Variants in VCPKMT observed in about 807,000 individuals in gnomAD.
VCPKMT encodes the protein valosin containing protein lysine methyltransferase.
Under a neutral mutation model 28.6 loss-of-function variants are expected in VCPKMT, and 32 were observed. That is an observed-to-expected ratio of 1.12 (90% CI 0.84 to 1.50). The LOEUF is 1.50. VCPKMT is among the 40% of genes most tolerant of loss of function. VCPKMT has a pLI of 0.00. For missense variants in VCPKMT, 366 were observed against 285.0 expected (o/e 1.28, Z -2.05); for synonymous variants, 138 against 111.4 (o/e 1.24, Z -1.50).
downstream of VCPKMT, among the ~76,000 whole-genome samples, chr14:50,104,754 G>T (rs4900987): frequency 0.2 from 30,106 of 151,310 alleles, 3,220 homozygotes; most frequent in East Asian, 0.47. Flanking sequence ...AAGTGTCTCA[G>T]ATGTAAAATC....
In VCPKMT at chr14:50,109,584, A is replaced by T; in HGVS notation, c.*115T>A. On this transcript the variant is annotated 3_prime_UTR_variant, in exon 6 of 6. Transcript: ENST00000395860. The stretch of plus-strand genomic sequence containing the variant: ...TCATCTATACATCGGATCTCTAAGG[A>T]CGTGCCGGAAAAAAAAATCTGTGAA... The T allele has an allele frequency of 1.4e-6, 2 of 1,449,498 alleles. No individual in the cohort carries two copies. The highest frequency in any genetic ancestry group is 3.0e-5 in the Admixed American group (1 of 32,970). The allele number at this position is 1,449,498 out of a possible 1,614,324, so 89.8% of individuals were successfully genotyped here.
intron 4 of VCPKMT, chr14:50,113,504 G>C (rs1181947693): frequency 6.6e-6 from 1 of 151,196 alleles, no homozygotes; most frequent in East Asian, 2.0e-4. Context: ...ATAAGGGTTT[G>C]GGTGATCACT....
At chr14:50,112,790 T>C (rs974491576) in intron 4 of VCPKMT, 71 bp from the exon 5 acceptor site, 1 of 1,121,188 alleles carries the variant, frequency 8.9e-7, no homozygotes. Context: ...GAAGTCAGAA[T>C]GCTGGTTACT....
In VCPKMT at chr14:50,114,402, A is replaced by G. The variant is rs1882952563; in HGVS notation, c.453T>C (p.Ser151=). 6 of 1,514,436 alleles carry G rather than the reference A, an allele frequency of 4.0e-6. No homozygotes were observed. 93.8% of individuals were successfully genotyped at this position (1,514,436 alleles called of 1,614,324 possible). A position where few individuals can be genotyped will look rare whatever the true frequency, so the allele number is the denominator to read the frequency against. Reference sequence around the variant, plus strand: ...TTAGAGTTTTCAGCAATGGCTCCAAAGACTATTTAAAAAAGAATATATTTT... The same window carrying G: ...TTAGAGTTTTCAGCAATGGCTCCAAGGACTATTTAAAAAAGAATATATTTT... The part of the protein sequence containing the change: ...LMADCIYYEE[S]LEPLLKTLKD... Residue 151 remains serine, a splice_region_variant and synonymous_variant, in exon 4 of 6, where the codon TCT becomes TCC. Coordinates refer to ENST00000395860, the MANE Select transcript of VCPKMT (RefSeq NM_024558.3).
chr14:50,116,468 G>T lies in VCPKMT; in HGVS notation c.85C>A (p.Arg29=). 6.2e-7 allele frequency: 1 copy of T among 1,614,022 alleles called. No individual in the cohort carries two copies. Reference sequence around the variant, plus strand: ...CCACCGGAGCTATACTGCTGTAGTCGTAGCACTGTACCATCCCGCTTCTCC... The same window carrying T: ...CCACCGGAGCTATACTGCTGTAGTCTTAGCACTGTACCATCCCGCTTCTCC... ...VLEKRDGTVL[R]LQQYSSGGVG... Residue 29 remains arginine, a synonymous_variant, in exon 1 of 6, where the codon CGA becomes AGA. Transcript: ENST00000395860.
intron 3 of VCPKMT, among the ~76,000 whole-genome samples, chr14:50,115,544 AAGAG>A (rs1883084859): frequency 6.6e-6 from 1 of 152,234 alleles, no homozygotes; most frequent in Non-Finnish European, 1.5e-5. Context: ...CCAAGGGAAA[AAGAG>A]AGGATTTTGG....
intron 5 of VCPKMT, chr14:50,111,167 GT>G (rs55665344): frequency 1.4e-4 from 111 of 815,018 alleles, no homozygotes; most frequent in Middle Eastern, 6.2e-4. Context: ...AAAAATAAGA[GT>G]TTTTTTTTTT....
In VCPKMT at chr14:50,108,714, G is replaced by A. The variant is rs183844368; in HGVS notation, c.*985C>T. 92 of 985,738 alleles carry A rather than the reference G, an allele frequency of 9.3e-5. No individual in the cohort carries two copies. The highest frequency in any genetic ancestry group is 3.8e-4 in the South Asian group (8 of 21,286). 61.1% of individuals were successfully genotyped at this position (985,738 alleles called of 1,614,324 possible). ...GCCTATAAATACCAGAATTCCATCCGGTTACTACTCTTTGGAACAAGTATG... is the reference window on the plus strand; with the variant it reads ...GCCTATAAATACCAGAATTCCATCCAGTTACTACTCTTTGGAACAAGTATG... On this transcript the variant is annotated 3_prime_UTR_variant, in exon 6 of 6. Coordinates refer to ENST00000395860, the MANE Select transcript of VCPKMT (RefSeq NM_024558.3).
chr14:50,113,494 A>G (rs1882847292), intron 4 of VCPKMT: 1 of 152,184 alleles, frequency 6.6e-6, no homozygotes, highest in Middle Eastern at 3.4e-3. Context: ...TTGTGCCCAT[A>G]TAAGGGTTTG....
At chr14:50,116,022 C>G (rs1883157084) in intron 2 of VCPKMT, 47 bp downstream of exon 2, 9 of 1,593,390 alleles carry the variant, frequency 5.6e-6, no homozygotes, top group East Asian at 2.3e-5. Context: ...CAATTCAAAA[C>G]AAACTACAAA....
At position 50,109,602 on chromosome 14, in the gene VCPKMT, T is replaced by C. The variant is rs1486899597; in HGVS notation, c.*97A>G. 6.8e-7 allele frequency: 1 copy of C among 1,473,574 alleles called. No individual in the cohort carries two copies. Among genetic ancestry groups the C allele is most frequent in the Non-Finnish European group, 9.0e-7 (1 of 1,115,064 alleles). 91.3% of individuals were successfully genotyped at this position (1,473,574 alleles called of 1,614,324 possible). A position where few individuals can be genotyped will look rare whatever the true frequency, so the allele number is the denominator to read the frequency against. On this transcript the variant is annotated 3_prime_UTR_variant, in exon 6 of 6. Coordinates refer to ENST00000395860, the MANE Select transcript of VCPKMT (RefSeq NM_024558.3). ...TCTAAGGACGTGCCGGAAAAAAAAA[T>C]CTGTGAACACAATCTTCCCATGCTG...
At chr14:50,115,145 G>A (rs898605798) in intron 3 of VCPKMT, among the ~76,000 whole-genome samples, 2 of 90,374 alleles carry the variant, frequency 2.2e-5, no homozygotes, top group South Asian at 7.0e-4. Flanking sequence ...ACAAACTGAT[G>A]TTTTTTTTTT....
downstream of VCPKMT, among the ~76,000 whole-genome samples, chr14:50,103,674 C>T (rs893801324): frequency 5.3e-5 from 8 of 152,150 alleles, no homozygotes; most frequent in South Asian, 4.1e-4. Flanking sequence ...CAAAAATTTT[C>T]TTCCCCGTAT....
In VCPKMT at chr14:50,116,499, T is replaced by G; in HGVS notation, c.54A>C (p.Arg18=). ...SLEDPLRSFV[R]VLEKRDGTVL... ...CTGTACCATCCCGCTTCTCCAAAAC[T>G]CGCACAAAGCTCCGCAGTGGGTCCT... Residue 18 remains arginine (R), a synonymous_variant, in exon 1 of 6, where the codon CGA becomes CGC. Transcript: ENST00000395860. 6.2e-7 allele frequency: 1 copy of G among 1,613,828 alleles called. No homozygotes were observed. The highest frequency in any genetic ancestry group is 8.5e-7 in the Non-Finnish European group (1 of 1,179,910).
At chr14:50,115,057 T>G (rs1883010092) in intron 3 of VCPKMT, among the ~76,000 whole-genome samples, 1 of 152,114 alleles carries the variant, frequency 6.6e-6, no homozygotes, top group Non-Finnish European at 1.5e-5. Context: ...ATCAACGATT[T>G]CCCTACAAAA....
chr14:50,109,513 C>A lies in VCPKMT; in HGVS notation c.*186G>T. The A allele has an allele frequency of 7.6e-7, 1 of 1,309,650 alleles. No homozygotes were observed. The highest frequency in any genetic ancestry group is 9.7e-7 in the Non-Finnish European group (1 of 1,032,348). The allele number at this position is 1,309,650 out of a possible 1,614,324, so 81.1% of individuals were successfully genotyped here. On this transcript the variant is annotated 3_prime_UTR_variant, in exon 6 of 6. Coordinates refer to ENST00000395860, the MANE Select transcript of VCPKMT (RefSeq NM_024558.3). ...GGATTCAGGGCCATTGGCAGGCAGG[C>A]AGGCAAGCAGGAATTTTTCGTATTG...
downstream of VCPKMT, among the ~76,000 whole-genome samples, chr14:50,103,969 T>A: frequency 6.6e-6 from 1 of 152,160 alleles, no homozygotes; most frequent in Non-Finnish European, 1.5e-5. Context: ...ATTACATGTA[T>A]TTGACTAATT....
At chr14:50,111,994 A>T (rs1402732778) in intron 5 of VCPKMT, 4 of 985,212 alleles carry the variant, frequency 4.1e-6, no homozygotes, top group Non-Finnish European at 4.8e-6. Context: ...ACAGGGTAAA[A>T]CATGCACCAA....
downstream of VCPKMT, among the ~76,000 whole-genome samples, chr14:50,107,666 G>A (rs994757557): frequency 1.3e-5 from 2 of 152,186 alleles, no homozygotes; most frequent in African/African-American, 4.8e-5. Flanking sequence ...AAGCAGAGAG[G>A]AATGTATGCA....
Sources: allele counts gnomAD v4.1 joint callset (sites outside exome capture counted in the v4.1 genomes callset), GRCh38; gene constraint gnomAD v4.1.1; transcripts MANE v1.5; gene names NCBI Gene and HGNC (gene_info 2026-07-23, HGNC 2026-07-21).